The following KITLG variants were observed in gnomAD, a reference collection of about 807,000 sequenced individuals.
The protein encoded by KITLG is c-Kit ligand.
Under a neutral mutation model 34.1 loss-of-function variants are expected in KITLG, and 13 were observed. The ratio of observed to expected loss-of-function variants is 0.38; its 90% CI spans 0.25 to 0.61. KITLG has a LOEUF of 0.61. KITLG is among the 20% of genes least tolerant of loss of function. The pLI is 0.60. For missense variants in KITLG, 292 were observed against 318.9 expected (o/e 0.92, Z 0.64); for synonymous variants, 110 against 104.0 (o/e 1.06, Z -0.35).
chr12:88,526,459 T>C (rs1372323739), intron 3 of KITLG, among the ~76,000 whole-genome samples: 2 of 152,134 alleles, frequency 1.3e-5, no homozygotes, highest in Non-Finnish European at 2.9e-5. Flanking sequence ...GGTAGGGAAA[T>C]TTTCTTCCTC....
chr12:88,497,992 T>C (rs1208482192), intron 9 of KITLG, among the ~76,000 whole-genome samples: 2 of 152,236 alleles, frequency 1.3e-5, no homozygotes, highest in Non-Finnish European at 2.9e-5. Flanking sequence ...TTGTACTTGT[T>C]GAAGCATGAA....
At chr12:88,570,736 G>C (rs1323477396) in intron 1 of KITLG, among the ~76,000 whole-genome samples, 5 of 151,684 alleles carry the variant, frequency 3.3e-5, no homozygotes, top group African/African-American at 7.3e-5. Flanking sequence ...TGAACTTCAG[G>C]GTTTTTATTT....
Position 88,506,311 on chromosome 12 carries a change from C to T in KITLG, c.782G>A (p.Ser261Asn). 1 of 1,599,396 alleles carries T rather than the reference C, an allele frequency of 6.3e-7. No homozygotes were observed. Among genetic ancestry groups the T allele is most frequent in the Non-Finnish European group, 8.6e-7 (1 of 1,166,734 alleles). Residue 261 changes from serine to asparagine, a missense_variant and splice_region_variant, in exon 8 of 10, where the codon AGT (serine) becomes AAT (asparagine). This residue lies in a region of KITLG where 140 missense variants were observed against 111.0 expected (regional missense o/e 1.26). Coordinates refer to ENST00000644744, the MANE Select transcript of KITLG (RefSeq NM_000899.5). ...GCACACATTTAGCAAAACAAAATAC[C>T]TTATCTCATTATCCTCTTCATTAAT... ...IQINEEDNEISMLQEKEREFQ... is the reference protein window; with the variant it reads ...IQINEEDNEINMLQEKEREFQ...
chr12:88,576,908 C>G (rs910203734), intron 1 of KITLG, among the ~76,000 whole-genome samples: 1 of 151,940 alleles, frequency 6.6e-6, no homozygotes, highest in East Asian at 1.9e-4. Context: ...AAATGTGACC[C>G]AGAATTTGCT....
rs1315159321 is a variant in KITLG, at chr12:88,492,883, G to A, written c.*4336C>T. The A allele has an allele frequency of 6.6e-6, 1 of 152,150 alleles. No homozygotes were observed. The highest frequency in any genetic ancestry group is 1.5e-5 in the Non-Finnish European group (1 of 67,848). 9.4% of individuals were successfully genotyped at this position (152,150 alleles called of 1,614,324 possible). On this transcript the variant is annotated 3_prime_UTR_variant, in exon 10 of 10. Transcript: ENST00000644744. ...TCAAACCTGTATAAAAAAGGGTTGG[G>A]ACATACACCTATTTTAAAAAGTACA...
At chr12:88,578,543 T>A (rs1014070984) in intron 1 of KITLG, among the ~76,000 whole-genome samples, 1 of 152,210 alleles carries the variant, frequency 6.6e-6, no homozygotes, top group Admixed American at 6.5e-5. Context: ...GTAATCCGAT[T>A]TACACAGCCA....
intron 1 of KITLG, among the ~76,000 whole-genome samples, chr12:88,575,545 C>T (rs1871798595): frequency 6.6e-6 from 1 of 152,150 alleles, no homozygotes; most frequent in Admixed American, 6.5e-5. Context: ...ACACATCTTG[C>T]TGCATCTATA....
At chr12:88,497,710 A>T (rs1868696448) in intron 9 of KITLG, among the ~76,000 whole-genome samples, 1 of 152,198 alleles carries the variant, frequency 6.6e-6, no homozygotes, top group African/African-American at 2.4e-5. Flanking sequence ...GATTAGAGAA[A>T]TGGAGATAGA....
At chr12:88,579,728 C>T (rs1022266140) in intron 1 of KITLG, among the ~76,000 whole-genome samples, 7 of 152,038 alleles carry the variant, frequency 4.6e-5, no homozygotes, top group African/African-American at 1.7e-4. Flanking sequence ...GTTCCCGCCC[C>T]GCCGAGAGCT....
intron 1 of KITLG, among the ~76,000 whole-genome samples, chr12:88,562,356 G>A (rs1871325568): frequency 1.3e-5 from 2 of 152,194 alleles, no homozygotes; most frequent in East Asian, 1.9e-4. Flanking sequence ...CTCAGCAGCT[G>A]GTTTCCATAT....
intron 1 of KITLG, among the ~76,000 whole-genome samples, chr12:88,563,301 A>G (rs1220201709): frequency 6.6e-6 from 1 of 152,214 alleles, no homozygotes; most frequent in South Asian, 2.1e-4. Flanking sequence ...TCTATCTGTC[A>G]TCTTTTCTAA....
Position 88,505,250 on chromosome 12 carries a change from G to T in KITLG, c.783-15C>A, listed in dbSNP as rs372927175. 8.1e-6 allele frequency: 13 copies of T among 1,601,394 alleles called. No homozygotes were observed. The African/African-American group carries it at 1.1e-4, about 13-fold the overall frequency. On this transcript the variant is annotated splice_polypyrimidine_tract_variant and intron_variant, in intron 8 of 9. Coordinates refer to ENST00000644744, the MANE Select transcript of KITLG (RefSeq NM_000899.5). ...CTTGCAACATACTGAAAAACAATAA[G>T]AAAAAATGCTTATTTGCTCTTGGTC... is the stretch of plus-strand genomic sequence containing the variant.
chr12:88,573,492 A>G (rs1871724852), intron 1 of KITLG, among the ~76,000 whole-genome samples: 1 of 152,220 alleles, frequency 6.6e-6, no homozygotes, highest in Non-Finnish European at 1.5e-5. Flanking sequence ...ACTCACATTT[A>G]GGTGAAACAA....
At chr12:88,497,312 C>A in intron 9 of KITLG, 131 bp from the exon 10 acceptor site, 1 of 225,230 alleles carries the variant, frequency 4.4e-6, no homozygotes, top group South Asian at 4.8e-5. Context: ...ACTTATATAG[C>A]AGAAAAGAAC....
At chr12:88,569,471 A>G (rs1002389654) in intron 1 of KITLG, among the ~76,000 whole-genome samples, 3 of 152,176 alleles carry the variant, frequency 2.0e-5, no homozygotes, top group African/African-American at 7.2e-5. Context: ...AGCCATCACT[A>G]TTGATAAGCA....
rs576138849 is a variant in KITLG, at chr12:88,526,637, T to C, written c.192+5804A>G. On this transcript the variant is annotated intron_variant, in intron 3 of 9. Coordinates refer to ENST00000644744, the MANE Select transcript of KITLG (RefSeq NM_000899.5). Reference sequence around the variant, plus strand: ...ATCATCCCACAAATACATCCAAAACTGCTACTCTGAGGAGTGCGATGAGAA... The same window carrying C: ...ATCATCCCACAAATACATCCAAAACCGCTACTCTGAGGAGTGCGATGAGAA... Among the ~76,000 whole-genome samples, 67 of 152,254 alleles carry C rather than the reference T, an allele frequency of 4.4e-4. No homozygotes were observed. In the South Asian group the frequency reaches 0.013, roughly 30 times the overall value.
intron 1 of KITLG, among the ~76,000 whole-genome samples, chr12:88,553,718 A>G (rs1871003170): frequency 6.6e-6 from 1 of 152,150 alleles, no homozygotes; most frequent in Non-Finnish European, 1.5e-5. Context: ...AATCATTTAC[A>G]TGATTAGGAA....
intron 8 of KITLG, 73 bp downstream of exon 8, chr12:88,506,238 T>C: frequency 9.9e-7 from 1 of 1,013,208 alleles, no homozygotes; most frequent in East Asian, 2.4e-5. Context: ...TTAAAGACAT[T>C]ATGGGCAGGT....
At chr12:88,571,588 T>C (rs1566037670) in intron 1 of KITLG, among the ~76,000 whole-genome samples, 1 of 152,138 alleles carries the variant, frequency 6.6e-6, no homozygotes, top group Non-Finnish European at 1.5e-5. Flanking sequence ...AATTTTGCCA[T>C]TAGAAAAAAG....
Sources: allele counts gnomAD v4.1 joint callset (sites outside exome capture counted in the v4.1 genomes callset), GRCh38; gene constraint gnomAD v4.1.1; regional missense constraint gnomAD v4.1.1; transcripts MANE v1.5; gene names NCBI Gene and HGNC (gene_info 2026-07-23, HGNC 2026-07-21).